CRIM1: variants seen among roughly 807,000 people sequenced by gnomAD.
The protein encoded by CRIM1 is cysteine rich transmembrane BMP regulator 1.
A neutral mutation model predicts 116.4 loss-of-function variants in CRIM1; 32 were observed. The ratio of observed to expected loss-of-function variants is 0.27; its 90% confidence interval spans 0.21 to 0.37. CRIM1 has a LOEUF of 0.37. Ranked by LOEUF, CRIM1 falls within the 10% of genes least tolerant of loss-of-function variation. The pLI is 1.00. For missense variants in CRIM1, 1,331 were observed against 1,354.8 expected (o/e 0.98, Z 0.28); for synonymous variants, 590 against 509.2 (o/e 1.16, Z -2.13).
intron 5 of CRIM1, among the ~76,000 whole-genome samples, chr2:36,465,111 C>T (rs1677896633): frequency 6.6e-6 from 1 of 152,174 alleles, no homozygotes; most frequent in Admixed American, 6.5e-5. Context: ...ATCTTTGCAC[C>T]TGATCTTAGC....
chr2:36,379,539 G>A (rs2148330495), intron 1 of CRIM1, among the ~76,000 whole-genome samples: 1 of 152,286 alleles, frequency 6.6e-6, no homozygotes, highest in Non-Finnish European at 1.5e-5. Flanking sequence ...AGCGTGCAGA[G>A]GTAATGTGCA....
intron 2 of CRIM1, among the ~76,000 whole-genome samples, chr2:36,428,919 G>A (rs538610111): frequency 2.0e-5 from 3 of 152,190 alleles, no homozygotes; most frequent in Non-Finnish European, 2.9e-5. Context: ...TAAAGACACC[G>A]TTGAGGGAGG....
intron 2 of CRIM1, among the ~76,000 whole-genome samples, chr2:36,425,101 A>G (rs1417463255): frequency 6.6e-6 from 1 of 152,162 alleles, no homozygotes; most frequent in Non-Finnish European, 1.5e-5. Flanking sequence ...ATGCTAGCTA[A>G]TGTTCCTCTT....
intron 2 of CRIM1, among the ~76,000 whole-genome samples, chr2:36,415,691 A>G (rs558129708): frequency 6.6e-6 from 1 of 152,308 alleles, no homozygotes; most frequent in East Asian, 1.9e-4. Flanking sequence ...GTCATATCTC[A>G]TGCACACTCC....
intron 4 of CRIM1, among the ~76,000 whole-genome samples, chr2:36,459,425 A>G (rs1677411565): frequency 6.6e-6 from 1 of 152,242 alleles, no homozygotes; most frequent in African/African-American, 2.4e-5. Flanking sequence ...AGTATCCATG[A>G]AAAAGTTTAT....
chr2:36,362,004 T>C (rs1487112910), intron 1 of CRIM1, among the ~76,000 whole-genome samples: 1 of 152,164 alleles, frequency 6.6e-6, no homozygotes, highest in African/African-American at 2.4e-5. Context: ...CAGTCATTCA[T>C]TCATTGGTCT....
chr2:36,442,746 C>T lies in CRIM1; in HGVS notation c.869+11C>T, dbSNP rs373842584. ...TACTTTGCCAACAAGGTTAGTTTGC[C>T]ATTAGTTTGTCAAGTTTTCTCCTCA... On this transcript the variant is annotated intron_variant, in intron 4 of 16. Transcript: ENST00000280527. The T allele has an allele frequency of 6.2e-6, 10 of 1,613,962 alleles. No individual in the cohort carries two copies. The South Asian group carries it at 6.6e-5, about 11-fold the overall frequency.
intron 7 of CRIM1, among the ~76,000 whole-genome samples, chr2:36,480,791 C>T (rs1572838726): frequency 6.6e-6 from 1 of 152,266 alleles, no homozygotes; most frequent in East Asian, 1.9e-4. Context: ...AGCTGCCACA[C>T]TCCAGAACTT....
Position 36,514,976 on chromosome 2 carries a change from C to G in CRIM1, c.1990+1211C>G, listed in dbSNP as rs77917186. ...TCCCTGTAGTTCAGTTAGAGGTGCTCCATGTCAGAACTCTTTCCTTTTTTC... is the reference window on the plus strand; with the variant it reads ...TCCCTGTAGTTCAGTTAGAGGTGCTGCATGTCAGAACTCTTTCCTTTTTTC... On this transcript the variant is annotated intron_variant, in intron 11 of 16. Transcript: ENST00000280527. Among the ~76,000 whole-genome samples the G allele has an allele frequency of 6.6e-5, 10 of 152,268 alleles. No homozygotes were observed. The East Asian group carries it at 1.5e-3, about 24-fold the overall frequency.
At chr2:36,408,590 C>G (rs1331665657) in intron 2 of CRIM1, among the ~76,000 whole-genome samples, 1 of 152,230 alleles carries the variant, frequency 6.6e-6, no homozygotes, top group East Asian at 1.9e-4. Context: ...GCTGTCCCTT[C>G]TGTGTCCACA....
In CRIM1 at chr2:36,441,329, C is replaced by G. The variant is rs1316113882; in HGVS notation, c.577C>G (p.Leu193Val). 2 of 1,614,216 alleles carry G rather than the reference C, an allele frequency of 1.2e-6. No homozygotes were observed. Among genetic ancestry groups the G allele is most frequent in the Non-Finnish European group, 8.5e-7 (1 of 1,180,030 alleles). ...FSPRCPEDSV[L>V]IEGYAPPGEC... ...TCCACGTTGTCCTGAAGATTCTGTT[C>G]TGATCGAGGGTTATGCTCCTCCTGG... Residue 193 changes from leucine (L) to valine (V), a missense_variant, in exon 3 of 17, where the codon CTG (leucine) becomes GTG (valine). Physicochemically the swap from Leu to Val is conservative, Grantham distance 32. Transcript: ENST00000280527.
rs761996675 is a variant in CRIM1, at chr2:36,512,243, C to T, written c.1659-30C>T. ...GCATCATTTGAGACTTTGTGATTTT[C>T]TGACCTCTGACAAAATTTTAATTAC... On this transcript the variant is annotated intron_variant, in intron 9 of 16. Coordinates refer to ENST00000280527, the MANE Select transcript of CRIM1 (RefSeq NM_016441.3). 12 of 1,604,148 alleles carry T rather than the reference C, an allele frequency of 7.5e-6. No individual in the cohort carries two copies. The African/African-American group carries it at 1.6e-4, about 21-fold the overall frequency.
At chr2:36,365,488 G>A (rs1669529721) in intron 1 of CRIM1, among the ~76,000 whole-genome samples, 1 of 152,166 alleles carries the variant, frequency 6.6e-6, no homozygotes, top group African/African-American at 2.4e-5. Flanking sequence ...TTGGGAATGA[G>A]CAGGAGAGGG....
At chr2:36,463,035 A>C (rs1677706146) in intron 4 of CRIM1, among the ~76,000 whole-genome samples, 1 of 152,214 alleles carries the variant, frequency 6.6e-6, no homozygotes, top group South Asian at 2.1e-4. Flanking sequence ...CACTGGTAGA[A>C]ATACAATTGC....
At chr2:36,436,557 G>A (rs1239510820) in intron 2 of CRIM1, among the ~76,000 whole-genome samples, 1 of 152,154 alleles carries the variant, frequency 6.6e-6, no homozygotes, top group Admixed American at 6.5e-5. Flanking sequence ...ATCCCTCTTG[G>A]AAATCAGGTA....
chr2:36,531,083 G>A (rs1666082977), intron 13 of CRIM1, among the ~76,000 whole-genome samples: 1 of 152,204 alleles, frequency 6.6e-6, no homozygotes, highest in Non-Finnish European at 1.5e-5. Context: ...GAGATTAAGA[G>A]CTGCATTTAG....
In CRIM1 at chr2:36,356,685, G is replaced by T. The variant is rs1668832368; in HGVS notation, c.331+62G>T. ...CTGCGCCGCCCCCTCGGCGCTGGTT[G>T]TGCCGAACAAAGTTTGGGCGAGACT... On this transcript the variant is annotated intron_variant, in intron 1 of 16. Transcript: ENST00000280527. This position sits in a 1 kb window ranked among gnomAD's most constrained non-coding sequence, Gnocchi z 4.3. 1.3e-6 allele frequency: 2 copies of T among 1,502,122 alleles called. No individual in the cohort carries two copies. The highest frequency in any genetic ancestry group is 2.8e-5 in the African/African-American group (2 of 72,246). 93.0% of individuals were successfully genotyped at this position (1,502,122 alleles called of 1,614,324 possible).
intron 1 of CRIM1, among the ~76,000 whole-genome samples, chr2:36,363,880 A>T (rs1409312495): frequency 6.6e-6 from 1 of 152,198 alleles, no homozygotes; most frequent in Non-Finnish European, 1.5e-5. Flanking sequence ...CTGCTGCTGC[A>T]GTTGGTATAA....
At chr2:36,370,694 T>C (rs546395869) in intron 1 of CRIM1, among the ~76,000 whole-genome samples, 92 of 152,250 alleles carry the variant, frequency 6.0e-4, no homozygotes, top group African/African-American at 2.1e-3. Context: ...ATAATATTTC[T>C]TGAGAGAATG....
Sources: allele counts gnomAD v4.1 joint callset (sites outside exome capture counted in the v4.1 genomes callset), GRCh38; gene constraint gnomAD v4.1.1; non-coding constraint Gnocchi (gnomAD v3.1); transcripts MANE v1.5; gene names NCBI Gene and HGNC (gene_info 2026-07-23, HGNC 2026-07-21).